Variants in RAP1GAP2 observed in about 807,000 individuals in gnomAD.
The protein encoded by RAP1GAP2 is RAP1 GTPase activating protein 2, also known as rap1 GTPase-activating protein 2.
RAP1GAP2 carries 27 observed loss-of-function variants against 95.0 expected under a neutral mutation model. The observed-to-expected ratio is 0.28, with a 90% CI of 0.21 to 0.39. RAP1GAP2 has a LOEUF of 0.39. Among genes scored for constraint, RAP1GAP2 ranks in the 10% least tolerant of loss-of-function variants. The pLI is 1.00. For synonymous variants in RAP1GAP2, 373 were observed against 380.9 expected, an observed-to-expected ratio of 0.98 and a Z score of 0.24; for missense variants, 771 against 970.0, an observed-to-expected ratio of 0.79 and a Z score of 2.72.
At chr17:2,820,785 G>A (rs1348239434) in intron 2 of RAP1GAP2, among the ~76,000 whole-genome samples, 6 of 151,390 alleles carry the variant, frequency 4.0e-5, no homozygotes, top group Admixed American at 4.0e-4. Flanking sequence ...ATAGTGGCAT[G>A]ATCTCGGCTC....
chr17:2,783,163 G>C (rs1304895821), intron 1 of RAP1GAP2, among the ~76,000 whole-genome samples: 1 of 152,098 alleles, frequency 6.6e-6, no homozygotes, highest in Non-Finnish European at 1.5e-5. Context: ...TTCTTCTGCT[G>C]TTCCCTCCGC....
At chr17:2,826,876 T>C (rs185799113) in intron 2 of RAP1GAP2, among the ~76,000 whole-genome samples, 2 of 151,864 alleles carry the variant, frequency 1.3e-5, no homozygotes, top group Non-Finnish European at 2.9e-5. Flanking sequence ...CGTGGTGGCG[T>C]ACGCCTGTAG....
intron 7 of RAP1GAP2, 24 bp downstream of exon 7, chr17:2,964,092 C>A: frequency 1.3e-6 from 2 of 1,494,090 alleles, no homozygotes; most frequent in Non-Finnish European, 1.8e-6. Context: ...AGAGGAGCTG[C>A]TGGGGGTTGG....
chr17:2,885,460 CA>C (rs2073461767), intron 2 of RAP1GAP2, among the ~76,000 whole-genome samples: 1 of 152,194 alleles, frequency 6.6e-6, no homozygotes, highest in Admixed American at 6.5e-5. Context: ...CCACAGGAGC[CA>C]GGAGCTGTTC....
At chr17:2,911,260 A>ATTTTTTTTTTTTTTTTTT (rs34227127) in intron 3 of RAP1GAP2, among the ~76,000 whole-genome samples, 5 of 132,026 alleles carry the variant, frequency 3.8e-5, no homozygotes, top group African/African-American at 1.2e-4. Flanking sequence ...TTTGAAGGGG[A>ATTTTTTTTTTTTTTTTTT]TTTTTTTTTT....
At chr17:2,876,273 A>G (rs1051306056) in intron 2 of RAP1GAP2, among the ~76,000 whole-genome samples, 2 of 152,096 alleles carry the variant, frequency 1.3e-5, no homozygotes, top group Admixed American at 6.6e-5. Flanking sequence ...CCAACTCTGT[A>G]AAATATTCGA....
intron 3 of RAP1GAP2, among the ~76,000 whole-genome samples, chr17:2,912,057 A>T (rs1481346649): frequency 6.6e-6 from 1 of 152,154 alleles, no homozygotes; most frequent in Non-Finnish European, 1.5e-5. Context: ...CACTGCAGGG[A>T]CCAGCAGAAC....
Position 2,850,610 on chromosome 17 carries a change from C to T in RAP1GAP2, c.80+50060C>T, listed in dbSNP as rs1421959751. On this transcript the variant is annotated intron_variant, in intron 2 of 24. Coordinates refer to ENST00000254695, the MANE Select transcript of RAP1GAP2 (RefSeq NM_015085.5). ...AAAAATACAAAAAAAACTAGCCGGGCATGGTGGCGGGCGCCTGTAATCCCA... is the reference window on the plus strand; with the variant it reads ...AAAAATACAAAAAAAACTAGCCGGGTATGGTGGCGGGCGCCTGTAATCCCA... 6.0e-5 allele frequency among the ~76,000 whole-genome samples: 9 copies of T among 148,910 alleles called. No homozygotes were observed. In the South Asian group the frequency reaches 8.6e-4, roughly 14 times the overall value.
chr17:3,024,630 C>G (rs2047049344), intron 19 of RAP1GAP2, among the ~76,000 whole-genome samples: 1 of 152,136 alleles, frequency 6.6e-6, no homozygotes, highest in African/African-American at 2.4e-5. Flanking sequence ...CATGGCAGCA[C>G]TATTTATCAT....
chr17:2,888,555 A>C (rs1003221644), intron 2 of RAP1GAP2, among the ~76,000 whole-genome samples: 2 of 151,516 alleles, frequency 1.3e-5, no homozygotes, highest in Non-Finnish European at 2.9e-5. Context: ...ACTTCCCATA[A>C]TGTCCTCCAG....
chr17:2,893,187 A>G (rs915877155), intron 2 of RAP1GAP2, among the ~76,000 whole-genome samples: 3 of 151,796 alleles, frequency 2.0e-5, no homozygotes, highest in African/African-American at 7.3e-5. Context: ...GCCACCAGCT[A>G]CTAGCCCGGC....
chr17:2,905,608 C>T (rs1013024226), intron 3 of RAP1GAP2, among the ~76,000 whole-genome samples: 2 of 152,252 alleles, frequency 1.3e-5, no homozygotes, highest in African/African-American at 4.8e-5. Context: ...GTTGGCAGGA[C>T]TCTTGGTAAT....
At chr17:2,821,643 G>C (rs1433008480) in intron 2 of RAP1GAP2, among the ~76,000 whole-genome samples, 1 of 151,918 alleles carries the variant, frequency 6.6e-6, no homozygotes, top group African/African-American at 2.4e-5. Flanking sequence ...CAAAGTGCTG[G>C]GATTACAGGT....
At chr17:2,822,473 C>G (rs892157401) in intron 2 of RAP1GAP2, among the ~76,000 whole-genome samples, 2 of 151,742 alleles carry the variant, frequency 1.3e-5, no homozygotes, top group African/African-American at 4.8e-5. Context: ...AATTAAAAAA[C>G]AATTAGCCAG....
chr17:2,898,165 A>T (rs1426372432), intron 2 of RAP1GAP2, among the ~76,000 whole-genome samples: 2 of 152,008 alleles, frequency 1.3e-5, no homozygotes, highest in Admixed American at 1.3e-4. Flanking sequence ...CTCCTACCTC[A>T]GCCTCCAAAG....
chr17:2,947,722 T>A (rs529058256), intron 3 of RAP1GAP2, among the ~76,000 whole-genome samples: 1 of 150,934 alleles, frequency 6.6e-6, no homozygotes, highest in South Asian at 2.1e-4. Flanking sequence ...GGTAGCGGAG[T>A]CGGGCAGTGT....
intron 3 of RAP1GAP2, among the ~76,000 whole-genome samples, chr17:2,937,894 C>T (rs2043351686): frequency 6.6e-6 from 1 of 152,182 alleles, no homozygotes; most frequent in Non-Finnish European, 1.5e-5. Context: ...CTCGATTAAG[C>T]TGTGTCTTCC....
intron 2 of RAP1GAP2, among the ~76,000 whole-genome samples, chr17:2,831,234 GC>G (rs2070839528): frequency 6.8e-6 from 1 of 147,470 alleles, no homozygotes; most frequent in Non-Finnish European, 1.5e-5. Flanking sequence ...CTGCCACCAC[GC>G]CCAGCTACTT....
chr17:2,801,543 C>T (rs1464625269), intron 2 of RAP1GAP2, among the ~76,000 whole-genome samples: 1 of 151,344 alleles, frequency 6.6e-6, no homozygotes, highest in African/African-American at 2.4e-5. Context: ...CCAATCCTGG[C>T]AGTGACTTTC....
Sources: allele counts gnomAD v4.1 joint callset (sites outside exome capture counted in the v4.1 genomes callset), GRCh38; gene constraint gnomAD v4.1.1; transcripts MANE v1.5; gene names NCBI Gene and HGNC (gene_info 2026-07-23, HGNC 2026-07-21).